ADRA1A: variants seen among roughly 807,000 people sequenced by gnomAD.
ADRA1A encodes the protein adrenoceptor alpha 1A.
In ADRA1A, 31 loss-of-function variants were observed where a neutral mutation model predicts 29.6. The ratio of observed to expected loss-of-function variants is 1.05; its 90% confidence interval spans 0.79 to 1.41. ADRA1A has a LOEUF of 1.41. Ranked by LOEUF, ADRA1A falls within the 40% of genes most tolerant of loss-of-function variation. The probability of loss-of-function intolerance (pLI) is 0.00; values close to 1 mark genes in which losing one functional copy is unlikely to be tolerated. For missense variants in ADRA1A, 619 were observed against 601.1 expected, an observed-to-expected ratio of 1.03 and a Z score of -0.31; for synonymous variants, 311 against 254.3, an observed-to-expected ratio of 1.22 and a Z score of -2.12.
chr8:26,813,068 C>T (rs1286943009), intron 2 of ADRA1A, among the ~76,000 whole-genome samples: 1 of 151,638 alleles, frequency 6.6e-6, no homozygotes, highest in Non-Finnish European at 1.5e-5. Flanking sequence ...CAATTTTTCA[C>T]TCATACCCTT....
chr8:26,760,619 T>C (rs1563231028), intron 2 of ADRA1A, among the ~76,000 whole-genome samples: 1 of 152,160 alleles, frequency 6.6e-6, no homozygotes, highest in Non-Finnish European at 1.5e-5. Flanking sequence ...ATCACAGGGC[T>C]CTCATGTGGT....
At chr8:26,753,832 T>C (rs965810076), downstream of ADRA1A, among the ~76,000 whole-genome samples, 1 of 152,174 alleles carries the variant, frequency 6.6e-6, no homozygotes, top group Middle Eastern at 3.2e-3. Flanking sequence ...AAGAAAGAGG[T>C]TTAAAATATT....
intron 2 of ADRA1A, among the ~76,000 whole-genome samples, chr8:26,778,406 G>A (rs1683641730): frequency 6.6e-6 from 1 of 152,146 alleles, no homozygotes; most frequent in African/African-American, 2.4e-5. Context: ...GTCATCATGT[G>A]CTTTTATGGG....
At position 26,769,432 on chromosome 8, in the gene ADRA1A, T is replaced by C. The variant is rs1805975971; in HGVS notation, c.*717A>G. 2.0e-6 allele frequency: 2 copies of C among 985,434 alleles called. No individual in the cohort carries two copies. The highest frequency in any genetic ancestry group is 1.7e-5 in the African/African-American group (1 of 57,344). The allele number at this position is 985,434 out of a possible 1,614,324, so 61.0% of individuals were successfully genotyped here. A position where few individuals can be genotyped will look rare whatever the true frequency, so the allele number is the denominator to read the frequency against. On this transcript the variant is annotated 3_prime_UTR_variant, in exon 3 of 3. Transcript: ENST00000380573. ...TATTGTTTTCTCTTGGGAAAAGCCA[T>C]ACCACCCTGGTTGGTTCTTTCAACC...
At chr8:26,799,265 A>G (rs1278242693) in intron 2 of ADRA1A, among the ~76,000 whole-genome samples, 2 of 152,194 alleles carry the variant, frequency 1.3e-5, no homozygotes, top group Non-Finnish European at 2.9e-5. Context: ...GATGAGCTCA[A>G]TGTTACTCTT....
chr8:26,838,384 C>T (rs1444810094), intron 2 of ADRA1A, among the ~76,000 whole-genome samples: 1 of 152,178 alleles, frequency 6.6e-6, no homozygotes, highest in Non-Finnish European at 1.5e-5. Context: ...AATCCAGACC[C>T]TTCACCCCGC....
intron 2 of ADRA1A, among the ~76,000 whole-genome samples, chr8:26,839,439 T>A (rs1811651386): frequency 6.6e-6 from 1 of 152,204 alleles, no homozygotes; most frequent in Non-Finnish European, 1.5e-5. Context: ...ATTACAGGCG[T>A]GAGCCACCAT....
rs75243103 is a variant in ADRA1A, at chr8:26,782,099, G to A, written c.884-11433C>T. ...CCAACAGCATCTTCTAGCTTTGTGCGAAGCAGGAATATGAATAAACCCTTG... is the reference window on the plus strand; with the variant it reads ...CCAACAGCATCTTCTAGCTTTGTGCAAAGCAGGAATATGAATAAACCCTTG... On this transcript the variant is annotated intron_variant, in intron 2 of 2. Coordinates refer to ENST00000380573, the MANE Select transcript of ADRA1A (RefSeq NM_000680.4). Among the ~76,000 whole-genome samples, 262 of 152,326 alleles carry A rather than the reference G, an allele frequency of 1.7e-3. 5 individuals carry two copies. In the East Asian group the frequency reaches 0.044, roughly 25 times the overall value.
chr8:26,777,621 G>T (rs1225898748), intron 2 of ADRA1A, among the ~76,000 whole-genome samples: 1 of 152,236 alleles, frequency 6.6e-6, no homozygotes, highest in Admixed American at 6.5e-5. Context: ...GTAAAGTCAT[G>T]TGTATGCTCA....
chr8:26,852,411 G>T (rs1812705530), intron 2 of ADRA1A, among the ~76,000 whole-genome samples: 1 of 151,904 alleles, frequency 6.6e-6, no homozygotes, highest in South Asian at 2.1e-4. Flanking sequence ...CTGGGAAAGA[G>T]ATTAAAATGA....
chr8:26,856,593 C>T (rs897655599), intron 2 of ADRA1A, among the ~76,000 whole-genome samples: 5 of 152,146 alleles, frequency 3.3e-5, no homozygotes, highest in Non-Finnish European at 7.3e-5. Flanking sequence ...AGTCTTCGCA[C>T]GTTCTCTTCC....
chr8:26,854,830 C>G (rs1812903663), intron 2 of ADRA1A, among the ~76,000 whole-genome samples: 1 of 152,162 alleles, frequency 6.6e-6, no homozygotes, highest in Non-Finnish European at 1.5e-5. Context: ...TGCCCCACCC[C>G]CGAAATTCCT....
rs948376262 is a variant in ADRA1A at position 26,864,619 on chromosome 8, G to A, written c.351C>T (p.Leu117=). The change falls in exon 2 of 3, where the codon CTC becomes CTT. Residue 117 remains leucine (L), a synonymous_variant. Coordinates refer to ENST00000380573, the MANE Select transcript of ADRA1A (RefSeq NM_000680.4). This position sits in a 1 kb window ranked among gnomAD's most constrained non-coding sequence, Gnocchi z 8.1. ...VLCCTASIMG[L]CIISIDRYIG... Reference sequence around the variant, plus strand: ...TGTAGCGGTCGATGGAGATGATGCAGAGGCCCATGATGGACGCGGTGCAGC... The same window carrying A: ...TGTAGCGGTCGATGGAGATGATGCAAAGGCCCATGATGGACGCGGTGCAGC... The A allele has an allele frequency of 1.2e-6, 2 of 1,614,068 alleles. No individual in the cohort carries two copies. The highest frequency in any genetic ancestry group is 1.7e-6 in the Non-Finnish European group (2 of 1,180,054).
chr8:26,835,323 T>C (rs1811266917), intron 2 of ADRA1A, among the ~76,000 whole-genome samples: 1 of 152,230 alleles, frequency 6.6e-6, no homozygotes, highest in Non-Finnish European at 1.5e-5. Context: ...GGGGCAGTTT[T>C]TACAAACCCA....
intron 2 of ADRA1A, among the ~76,000 whole-genome samples, chr8:26,830,703 C>T (rs1475773779): frequency 6.6e-6 from 1 of 152,170 alleles, no homozygotes; most frequent in East Asian, 1.9e-4. Flanking sequence ...ATCACAGCTG[C>T]CAAAACTCAA....
At chr8:26,791,392 C>G (rs1432329287) in intron 2 of ADRA1A, among the ~76,000 whole-genome samples, 1 of 152,090 alleles carries the variant, frequency 6.6e-6, no homozygotes, top group East Asian at 1.9e-4. Flanking sequence ...TGCCAAATTG[C>G]TCTCTGGAGA....
chr8:26,824,213 T>C (rs559416533), intron 2 of ADRA1A, among the ~76,000 whole-genome samples: 10 of 152,130 alleles, frequency 6.6e-5, no homozygotes, highest in Non-Finnish European at 1.0e-4. Context: ...AGAGCCAGCA[T>C]TTTTACAGAA....
chr8:26,775,195 C>T lies in ADRA1A; in HGVS notation c.884-4529G>A, dbSNP rs201463521. 5.9e-5 allele frequency among the ~76,000 whole-genome samples: 9 copies of T among 152,326 alleles called. No individual in the cohort carries two copies. The highest frequency in any genetic ancestry group is 2.6e-4 in the Admixed American group (4 of 15,294). ...CATGAATGGCCGACCTTCTGACAGA[C>T]GGATGGACTGACTGACTGAATGAAT... On this transcript the variant is annotated intron_variant, in intron 2 of 2. Coordinates refer to ENST00000380573, the MANE Select transcript of ADRA1A (RefSeq NM_000680.4). The surrounding 1 kb of genome is among the most constrained non-coding windows in gnomAD (Gnocchi z 4.1).
Position 26,841,847 on chromosome 8 carries a change from T to C in ADRA1A, c.883+22240A>G, listed in dbSNP as rs1454944655. On this transcript the variant is annotated intron_variant, in intron 2 of 2. Transcript: ENST00000380573. This position sits in a 1 kb window ranked among gnomAD's most constrained non-coding sequence, Gnocchi z 4.4. ...CTTGACTTCTCTGCTGCATTTGATA[T>C]TGGCGCCACTTTCTCTTCACTAAAA... Among the ~76,000 whole-genome samples, 2 of 152,194 alleles carry C rather than the reference T, an allele frequency of 1.3e-5. No homozygotes were observed. Among genetic ancestry groups the C allele is most frequent in the Non-Finnish European group, 2.9e-5 (2 of 68,038 alleles).
Sources: gnomAD v4.1 joint callset for allele counts (sites outside exome capture counted in the v4.1 genomes callset) on GRCh38, gnomAD v4.1.1 for gene constraint, Gnocchi (gnomAD v3.1) non-coding constraint, MANE v1.5 for transcripts, NCBI Gene and HGNC (gene_info 2026-07-23, HGNC 2026-07-21) for gene names.